Variants in SAMD3 observed in about 807,000 individuals in gnomAD.
The protein encoded by SAMD3 is sterile alpha motif domain containing 3, also known as sterile alpha motif domain-containing protein 3.
In SAMD3, 63 loss-of-function variants were observed where a neutral mutation model predicts 58.5. The ratio of observed to expected loss-of-function variants is 1.08; its 90% CI spans 0.88 to 1.33. The LOEUF (loss-of-function observed/expected upper bound fraction) is 1.33, where lower values mean the gene tolerates loss of function less well. Ranked by LOEUF, SAMD3 falls within the 40% of genes most tolerant of loss-of-function variation. SAMD3 has a pLI of 0.00. For missense variants in SAMD3, 604 were observed against 608.4 expected, an observed-to-expected ratio of 0.99 and a Z score of 0.08; for synonymous variants, 220 against 210.3, an observed-to-expected ratio of 1.05 and a Z score of -0.40.
chr6:130,144,989 G>A lies in SAMD3; in HGVS notation c.1279-185C>T, dbSNP rs1788486969. ...AAATAAGTTATCGCGGTTGGGCTCA[G>A]TAGCTCATGCCTGTAATCCCAGCAC... On this transcript the variant is annotated intron_variant, in intron 11 of 11. Transcript: ENST00000439090. 2.0e-5 allele frequency among the ~76,000 whole-genome samples: 3 copies of A among 152,236 alleles called. No individual in the cohort carries two copies. In the East Asian group the frequency reaches 5.8e-4, roughly 29 times the overall value.
Position 130,146,009 on chromosome 6 carries a change from C to T in SAMD3, c.1195+1G>A. 6.7e-7 allele frequency: 1 copy of T among 1,493,738 alleles called. No homozygotes were observed. Among genetic ancestry groups the T allele is most frequent in the Non-Finnish European group, 8.9e-7 (1 of 1,121,036 alleles). The allele number at this position is 1,493,738 out of a possible 1,614,324, so 92.5% of individuals were successfully genotyped here. ...CACACCACTCCATAAGGTTTACTAA[C>T]ATTTCAACATGTCTTCATCTGTGTA... On this transcript the variant is annotated splice_donor_variant, in intron 10 of 11. Transcript: ENST00000439090. LOFTEE classifies it high-confidence loss of function.
chr6:130,341,210 A>C (rs973824078), intron 1 of SAMD3, among the ~76,000 whole-genome samples: 2 of 152,130 alleles, frequency 1.3e-5, no homozygotes, highest in African/African-American at 4.8e-5. Context: ...ATAATAACCA[A>C]TATGGTCTAT....
chr6:130,331,347 A>G (rs888268169), intron 1 of SAMD3, among the ~76,000 whole-genome samples: 7 of 152,260 alleles, frequency 4.6e-5, no homozygotes, highest in African/African-American at 1.7e-4. Context: ...AGATTGTTTA[A>G]TAGAAAATTC....
chr6:130,340,675 C>T (rs1777241370), intron 1 of SAMD3, among the ~76,000 whole-genome samples: 1 of 152,164 alleles, frequency 6.6e-6, no homozygotes, highest in Admixed American at 6.5e-5. Flanking sequence ...ACAATTTCAT[C>T]TTTTAATTCT....
At chr6:130,341,750 CA>C (rs1777282564) in intron 1 of SAMD3, among the ~76,000 whole-genome samples, 1 of 152,088 alleles carries the variant, frequency 6.6e-6, no homozygotes, top group East Asian at 1.9e-4. Flanking sequence ...TTGTTAAACA[CA>C]TGGAAACATG....
intron 7 of SAMD3, among the ~76,000 whole-genome samples, chr6:130,177,026 A>G (rs1791790964): frequency 6.6e-6 from 1 of 152,346 alleles, no homozygotes; most frequent in East Asian, 1.9e-4. Context: ...AGGCTGTATT[A>G]GAATCTCATA....
chr6:130,151,776 G>A (rs557518013), intron 9 of SAMD3, among the ~76,000 whole-genome samples: 1 of 152,114 alleles, frequency 6.6e-6, no homozygotes, highest in South Asian at 2.1e-4. Flanking sequence ...ATTAGCTGGC[G>A]ATTCTCACGT....
intron 1 of SAMD3, among the ~76,000 whole-genome samples, chr6:130,351,513 A>G (rs1777664322): frequency 6.6e-6 from 1 of 152,222 alleles, no homozygotes; most frequent in Non-Finnish European, 1.5e-5. Context: ...AATGCAGATC[A>G]AAACCACAAT....
intron 1 of SAMD3, among the ~76,000 whole-genome samples, chr6:130,322,849 C>T (rs1776630993): frequency 6.6e-6 from 1 of 152,158 alleles, no homozygotes; most frequent in Admixed American, 6.5e-5. Flanking sequence ...ATCGTGGAAG[C>T]TGCTGCTATG....
At chr6:130,227,866 C>G (rs184792535), upstream of SAMD3, among the ~76,000 whole-genome samples, 1 of 151,794 alleles carries the variant, frequency 6.6e-6, no homozygotes, top group South Asian at 2.1e-4. Context: ...TTAGCAGACA[C>G]GGAGACCTAT....
intron 2 of SAMD3, among the ~76,000 whole-genome samples, chr6:130,237,049 C>T (rs1773176116): frequency 6.6e-6 from 1 of 152,058 alleles, no homozygotes; most frequent in Non-Finnish European, 1.5e-5. Flanking sequence ...TCATTTCTAA[C>T]TTTATTATAG....
chr6:130,266,931 T>C (rs1200976729), intron 2 of SAMD3, among the ~76,000 whole-genome samples: 2 of 152,174 alleles, frequency 1.3e-5, no homozygotes, highest in African/African-American at 2.4e-5. Flanking sequence ...CGGACCCCCA[T>C]TTACATGCTC....
downstream of SAMD3, chr6:130,142,929 A>T (rs920745323): frequency 6.6e-6 from 1 of 152,264 alleles, no homozygotes; most frequent in Non-Finnish European, 1.5e-5. Context: ...CTAAAGGTAC[A>T]TTCTAATGAA....
At chr6:130,163,287 G>C (rs1394829551) in intron 8 of SAMD3, among the ~76,000 whole-genome samples, 2 of 152,076 alleles carry the variant, frequency 1.3e-5, no homozygotes, top group Admixed American at 6.5e-5. Context: ...TCTGCTACTA[G>C]AAAATTAAAA....
At chr6:130,277,800 C>T (rs4106121) in intron 2 of SAMD3, among the ~76,000 whole-genome samples, 18,309 of 152,038 alleles carry the variant, frequency 0.12, 1,506 homozygotes, top group East Asian at 0.36. Flanking sequence ...CTGAGCTAAC[C>T]GACTCCTTCT....
intron 2 of SAMD3, among the ~76,000 whole-genome samples, chr6:130,294,507 A>C (rs1473537779): frequency 2.0e-5 from 3 of 152,200 alleles, no homozygotes; most frequent in African/African-American, 7.2e-5. Flanking sequence ...ACCAAGGTAA[A>C]ACATTGTTTC....
At chr6:130,256,608 C>G (rs1773934852) in intron 2 of SAMD3, among the ~76,000 whole-genome samples, 2 of 152,030 alleles carry the variant, frequency 1.3e-5, no homozygotes, top group African/African-American at 4.8e-5. Flanking sequence ...GAGTCTTTGT[C>G]CTCTTACTTG....
At position 130,271,331 on chromosome 6, in the gene SAMD3, C is replaced by A. The variant is rs78735073; in HGVS notation, c.-188+41647G>T. Among the ~76,000 whole-genome samples the A allele has an allele frequency of 9.2e-3, 1,393 of 152,180 alleles. 19 individuals carry two copies. The highest frequency in any genetic ancestry group is 0.031 in the African/African-American group (1,306 of 41,518). On this transcript the variant is annotated intron_variant, in intron 2 of 13. Coordinates refer to the SAMD3 transcript ENST00000368134. The stretch of plus-strand genomic sequence containing the variant: ...AGCAATCTATAAGAATTTCTGTTTC[C>A]CCTCAACTTCCCTATCCCTGTGTAC...
chr6:130,244,747 ATAAAAATAAAAATAAAAAT>A (rs1200395394), intron 2 of SAMD3, among the ~76,000 whole-genome samples: 1 of 47,162 alleles, frequency 2.1e-5, no homozygotes, highest in African/African-American at 3.6e-4. Context: ...CAAAAAAAAA[ATAAAAATAAAAATAAAAAT>A]AAAAATAAAA....
Sources: allele counts gnomAD v4.1 joint callset (sites outside exome capture counted in the v4.1 genomes callset), GRCh38; gene constraint gnomAD v4.1.1; transcripts MANE v1.5; gene names NCBI Gene and HGNC (gene_info 2026-07-23, HGNC 2026-07-21).